The following DACT3 variants were observed in gnomAD, a reference collection of about 807,000 sequenced individuals.
The protein encoded by DACT3 is dishevelled binding antagonist of beta catenin 3, also known as dapper homolog 3.
A neutral mutation model predicts 19.6 loss-of-function variants in DACT3; 5 were observed. That is an observed-to-expected ratio of 0.26 (90% CI 0.13 to 0.54). DACT3 has a LOEUF of 0.54. Among genes scored for constraint, DACT3 ranks in the 20% least tolerant of loss-of-function variants. The pLI is 0.95. For synonymous variants in DACT3, 454 were observed against 428.1 expected, an observed-to-expected ratio of 1.06 and a Z score of -0.75; for missense variants, 908 against 927.4, an observed-to-expected ratio of 0.98 and a Z score of 0.27.
intron 1 of DACT3, among the ~76,000 whole-genome samples, chr19:46,655,748 C>CAGT (rs2053027930): frequency 6.6e-6 from 1 of 152,106 alleles, no homozygotes; most frequent in Non-Finnish European, 1.5e-5. Flanking sequence ...GTGCCTAGAA[C>CAGT]AGTGCCTGGC....
chr19:46,648,526 G>C lies in DACT3; in HGVS notation c.1846C>G (p.Leu616Val). The change falls in exon 4 of 4, where the codon CTG becomes GTG. Residue 616 changes from leucine (L) to valine (V), a missense_variant. Around this residue, in one of 2 missense-constraint regions of DACT3, gnomAD observed 656 missense variants for 601.8 expected, o/e 1.09. Coordinates refer to ENST00000391916, the MANE Select transcript of DACT3 (RefSeq NM_145056.3). This position sits in a 1 kb window ranked among gnomAD's most constrained non-coding sequence, Gnocchi z 5.1. ...KASHALKKKI[L>V]RFRSGSLKVM... is the part of the protein sequence containing the mutation. ...TTGAGAGAACCCGAACGGAAACGCA[G>C]TATCTTTTTCTTGAGCGCGTGGGAA... The C allele has an allele frequency of 6.2e-7, 1 of 1,613,998 alleles. No homozygotes were observed. The highest frequency in any genetic ancestry group is 8.5e-7 in the Non-Finnish European group (1 of 1,179,864).
chr19:46,661,117 G>T lies in DACT3; in HGVS notation c.-53C>A, dbSNP rs1332017654. The T allele has an allele frequency of 1.1e-5, 14 of 1,323,796 alleles. No individual in the cohort carries two copies. The highest frequency in any genetic ancestry group is 4.4e-5 in the Admixed American group (1 of 22,646). 82.0% of individuals were successfully genotyped at this position (1,323,796 alleles called of 1,614,324 possible). On this transcript the variant is annotated 5_prime_UTR_variant, in exon 1 of 4. Transcript: ENST00000391916. ...CGGGCCCCGCGGCCACCCCTCTCCCGGTCCCACCTCCCCGCCCCAGCAGCC... is the reference window on the plus strand; with the variant it reads ...CGGGCCCCGCGGCCACCCCTCTCCCTGTCCCACCTCCCCGCCCCAGCAGCC...
At position 46,653,091 on chromosome 19, in the gene DACT3, GAGA is replaced by G. The variant is rs1303052211; in HGVS notation, c.250-19_250-17del. ...GCAGGGCCTCCTGAAGGCATAGGGA[GAGA>G]AGGATGGTCAGAAGGCCCCCAGTCC... On this transcript the variant is annotated splice_polypyrimidine_tract_variant and intron_variant, in intron 1 of 3. Transcript: ENST00000391916. 6.4e-7 allele frequency: 1 copy of G among 1,550,554 alleles called. No individual in the cohort carries two copies. Among genetic ancestry groups the G allele is most frequent in the Non-Finnish European group, 8.7e-7 (1 of 1,146,944 alleles).
chr19:46,654,047 C>T, intron 1 of DACT3: 1 of 985,424 alleles, frequency 1.0e-6, no homozygotes, highest in Non-Finnish European at 1.2e-6. Flanking sequence ...GCCTCCTAGA[C>T]AGTCCTGTGA....
chr19:46,657,355 T>C (rs2053040416), intron 1 of DACT3, among the ~76,000 whole-genome samples: 1 of 135,770 alleles, frequency 7.4e-6, no homozygotes, highest in East Asian at 2.2e-4. Context: ...TCTTTTTTTT[T>C]TTTTTTTTTT....
rs756439813 is a variant in DACT3 at position 46,661,025 on chromosome 19, C to A, written c.40G>T (p.Gly14Cys). 7 of 1,529,744 alleles carry A rather than the reference C, an allele frequency of 4.6e-6. No homozygotes were observed. The South Asian group carries it at 7.3e-5, about 16-fold the overall frequency. The allele number at this position is 1,529,744 out of a possible 1,614,324, so 94.8% of individuals were successfully genotyped here. ...AFSFPVSPER[G>C]RLRGWLEGSL... ...CCCTCCAGCCAGCCCCGCAGCCGGC[C>A]CCGCTCAGGGCTCACCGGGAACGAG... The change falls in exon 1 of 4, where the codon GGC becomes TGC. Residue 14 changes from glycine to cysteine, a missense_variant. Physicochemically the swap from Gly to Cys is radical, Grantham distance 159. Transcript: ENST00000391916.
rs190591490 is a variant in DACT3 at position 46,656,329 on chromosome 19, C to T, written c.250-3254G>A. On this transcript the variant is annotated intron_variant, in intron 1 of 3. Coordinates refer to ENST00000391916, the MANE Select transcript of DACT3 (RefSeq NM_145056.3). ...CCTCCCAAAGTGCTGGGATTGCATG[C>T]GTGAGCCACTGTGCCTGGTCTTTTT... Among the ~76,000 whole-genome samples, 16 of 152,176 alleles carry T rather than the reference C, an allele frequency of 1.1e-4. No individual in the cohort carries two copies. In the South Asian group the frequency reaches 2.3e-3, roughly 22 times the overall value.
intron 1 of DACT3, chr19:46,659,233 G>A (rs892627624): frequency 2.0e-6 from 2 of 985,370 alleles, no homozygotes; most frequent in African/African-American, 3.5e-5. Flanking sequence ...TTTGCCTAGA[G>A]ACTGGGGGGT....
Position 46,661,172 on chromosome 19 carries a change from C to A in DACT3, c.-108G>T. On this transcript the variant is annotated 5_prime_UTR_variant, in exon 1 of 4. Coordinates refer to ENST00000391916, the MANE Select transcript of DACT3 (RefSeq NM_145056.3). ...CGCCCGCCCGCTGGCCGGGCTGTCA[C>A]CGTCTCATCTGCATAGGCGCCCGCC... 8.3e-7 allele frequency: 1 copy of A among 1,209,508 alleles called. No homozygotes were observed. Among genetic ancestry groups the A allele is most frequent in the South Asian group, 2.1e-5 (1 of 47,512 alleles). The allele number at this position is 1,209,508 out of a possible 1,614,324, so 74.9% of individuals were successfully genotyped here.
At chr19:46,653,179 G>A (rs892678108) in intron 1 of DACT3, 104 bp from the exon 2 acceptor site, 1 of 1,475,588 alleles carries the variant, frequency 6.8e-7, no homozygotes, top group Admixed American at 2.3e-5. Context: ...TGACAATGAG[G>A]CTCTCGCTTC....
Position 46,648,992 on chromosome 19 carries a change from G to A in DACT3, c.1380C>T (p.Gly460=), listed in dbSNP as rs1354104432. The A allele has an allele frequency of 3.9e-6, 5 of 1,272,904 alleles. No homozygotes were observed. In the African/African-American group the frequency reaches 7.8e-5, roughly 20 times the overall value. The allele number at this position is 1,272,904 out of a possible 1,614,324, so 78.9% of individuals were successfully genotyped here. The change falls in exon 4 of 4, where the codon GGC becomes GGT. Residue 460 remains glycine (G), a synonymous_variant. Coordinates refer to ENST00000391916, the MANE Select transcript of DACT3 (RefSeq NM_145056.3). This position sits in a 1 kb window ranked among gnomAD's most constrained non-coding sequence, Gnocchi z 5.1. ...CCTGGGCCGCCAGCGTGGGCGCTGG[G>A]CCGCGGCGTGGCCGTGGAGGCCGAG... The part of the protein sequence containing the change: ...EEPRPPRPRR[G]PAPTLAAQAA...
Position 46,661,091 on chromosome 19 carries a change from C to A in DACT3, c.-27G>T. The A allele has an allele frequency of 7.1e-7, 1 of 1,399,672 alleles. No homozygotes were observed. The highest frequency in any genetic ancestry group is 9.2e-7 in the Non-Finnish European group (1 of 1,084,906). 86.7% of individuals were successfully genotyped at this position (1,399,672 alleles called of 1,614,324 possible). A position where few individuals can be genotyped will look rare whatever the true frequency, so the allele number is the denominator to read the frequency against. On this transcript the variant is annotated 5_prime_UTR_variant, in exon 1 of 4. Coordinates refer to ENST00000391916, the MANE Select transcript of DACT3 (RefSeq NM_145056.3). ...GCTGCGGCCCCCCGCCCCAGCCCGGCCGGGCCCCGCGGCCACCCCTCTCCC... is the reference window on the plus strand; with the variant it reads ...GCTGCGGCCCCCCGCCCCAGCCCGGACGGGCCCCGCGGCCACCCCTCTCCC...
Position 46,649,498 on chromosome 19 carries a change from C to T in DACT3, c.874G>A (p.Ala292Thr), listed in dbSNP as rs748858897. The T allele has an allele frequency of 9.0e-7, 1 of 1,111,922 alleles. No individual in the cohort carries two copies. Among genetic ancestry groups the T allele is most frequent in the Non-Finnish European group, 1.1e-6 (1 of 913,498 alleles). 68.9% of individuals were successfully genotyped at this position (1,111,922 alleles called of 1,614,324 possible). Residue 292 changes from alanine (A) to threonine (T), a missense_variant, in exon 4 of 4, where the codon GCG becomes ACG. By Grantham distance (58) the Ala-to-Thr change is moderately conservative (BLOSUM62 0). Around this residue, in one of 2 missense-constraint regions of DACT3, gnomAD observed 656 missense variants for 601.8 expected, o/e 1.09. Coordinates refer to ENST00000391916, the MANE Select transcript of DACT3 (RefSeq NM_145056.3). ...QNSVRQRPPD[A>T]SPSPGSARPA... Reference sequence around the variant, plus strand: ...CGCGCGCTGCCGGGGGACGGAGACGCGTCGGGCGGCCGCTGGCGCACGCTG... The same window carrying T: ...CGCGCGCTGCCGGGGGACGGAGACGTGTCGGGCGGCCGCTGGCGCACGCTG...
chr19:46,652,912 T>C, intron 2 of DACT3, 67 bp downstream of exon 2: 1 of 1,542,918 alleles, frequency 6.5e-7, no homozygotes, highest in Non-Finnish European at 8.7e-7. Flanking sequence ...ACAGGGGGCC[T>C]CAGAAATAGG....
chr19:46,654,710 G>A (rs1157791145), intron 1 of DACT3: 9 of 985,016 alleles, frequency 9.1e-6, no homozygotes, highest in Admixed American at 6.2e-5. Flanking sequence ...AGACAAAAGC[G>A]GCTTGTCTGG....
At chr19:46,650,149 T>TTTTAG (rs2052969383) in intron 3 of DACT3, 1 of 196,846 alleles carries the variant, frequency 5.1e-6, no homozygotes, top group African/African-American at 2.4e-5. Flanking sequence ...TTTTTTTTTT[T>TTTTAG]GAGACGGAGT....
At position 46,648,594 on chromosome 19, in the gene DACT3, C is replaced by G; in HGVS notation, c.1778G>C (p.Gly593Ala). 1.2e-6 allele frequency: 2 copies of G among 1,613,498 alleles called. No homozygotes were observed. Among genetic ancestry groups the G allele is most frequent in the Non-Finnish European group, 8.5e-7 (1 of 1,179,742 alleles). Residue 593 changes from glycine (G) to alanine (A), a missense_variant, in exon 4 of 4, where the codon GGG becomes GCG. By Grantham distance (60) the Gly-to-Ala change is moderately conservative. This residue lies in a region of DACT3 where 656 missense variants were observed against 601.8 expected (regional missense o/e 1.09). Transcript: ENST00000391916. This position sits in a 1 kb window ranked among gnomAD's most constrained non-coding sequence, Gnocchi z 5.1. ...GACTTTGGCGGGGCCTGCGGGCGCC[C>G]CTGCACCTGCTCCACCCCCAGAGGC... ...TAASGGGAGA[G>A]APAGPAKVFV...
intron 3 of DACT3, 44 bp from the exon 4 acceptor site, chr19:46,649,916 G>A (rs2052966119): frequency 2.3e-6 from 3 of 1,333,038 alleles, no homozygotes; most frequent in Admixed American, 4.0e-5. Context: ...AGAGAGTGGA[G>A]GGGCTCTCAA....
At chr19:46,654,473 A>C in intron 1 of DACT3, 1 of 912,554 alleles carries the variant, frequency 1.1e-6, no homozygotes, top group East Asian at 1.2e-4. Flanking sequence ...GCAACACAGC[A>C]AGACTGACAA....
Sources: gnomAD v4.1 joint callset for allele counts (sites outside exome capture counted in the v4.1 genomes callset) on GRCh38, gnomAD v4.1.1 for gene constraint, gnomAD v4.1.1 regional missense constraint, Gnocchi (gnomAD v3.1) non-coding constraint, MANE v1.5 for transcripts, NCBI Gene and HGNC (gene_info 2026-07-23, HGNC 2026-07-21) for gene names.